Variants in PPP3CC observed in about 807,000 individuals in gnomAD.
The protein encoded by PPP3CC is protein phosphatase 3 catalytic subunit gamma.
In PPP3CC, 35 loss-of-function variants were observed where a neutral mutation model predicts 60.3. The observed-to-expected ratio is 0.58, with a 90% CI of 0.44 to 0.77. The LOEUF is 0.77. Among genes scored for constraint, PPP3CC ranks in the 30% least tolerant of loss-of-function variants. The pLI is 0.00. For missense variants in PPP3CC, 570 were observed against 628.9 expected (o/e 0.91, Z 1.00); for synonymous variants, 206 against 224.3 (o/e 0.92, Z 0.73).
At chr8:22,516,400 A>G (rs552247483) in intron 6 of PPP3CC, among the ~76,000 whole-genome samples, 4 of 152,348 alleles carry the variant, frequency 2.6e-5, no homozygotes, top group South Asian at 2.1e-4. Context: ...CAACTTGGCA[A>G]TATCTTTCAA....
chr8:22,515,301 T>C (rs1461251070), intron 6 of PPP3CC, among the ~76,000 whole-genome samples: 2 of 152,234 alleles, frequency 1.3e-5, no homozygotes, highest in Non-Finnish European at 2.9e-5. Flanking sequence ...AATGACAGGA[T>C]CTCATTCTTT....
At chr8:22,490,923 T>C (rs1838385138) in intron 3 of PPP3CC, among the ~76,000 whole-genome samples, 1 of 152,222 alleles carries the variant, frequency 6.6e-6, no homozygotes, top group South Asian at 2.1e-4. Context: ...TATGTGTGCA[T>C]GTGTCTTTAT....
At chr8:22,477,617 T>A (rs191523553) in intron 3 of PPP3CC, among the ~76,000 whole-genome samples, 1 of 152,160 alleles carries the variant, frequency 6.6e-6, no homozygotes, top group Non-Finnish European at 1.5e-5. Context: ...AATTTCTAAT[T>A]AGGCATTTTA....
At chr8:22,532,789 G>T in intron 11 of PPP3CC, 132 bp from the exon 12 acceptor site, 1 of 552,220 alleles carries the variant, frequency 1.8e-6, no homozygotes. Context: ...CTTTCTTTGA[G>T]TCAGGGAAGG....
At position 22,441,317 on chromosome 8, in the gene PPP3CC, C is replaced by T. The variant is rs767477531; in HGVS notation, c.-93C>T. ...GCCGGGCACGGCTGGCTGACGGCTC[C>T]GGGCAGCTAAGGCTGCCCGAGGAGA... On this transcript the variant is annotated 5_prime_UTR_variant, in exon 1 of 14. Coordinates refer to ENST00000240139, the MANE Select transcript of PPP3CC (RefSeq NM_005605.5). 3 of 1,299,244 alleles carry T rather than the reference C, an allele frequency of 2.3e-6. No individual in the cohort carries two copies. The highest frequency in any genetic ancestry group is 6.1e-5 in the Admixed American group (2 of 33,044). 80.5% of individuals were successfully genotyped at this position (1,299,244 alleles called of 1,614,324 possible). A position where few individuals can be genotyped will look rare whatever the true frequency, so the allele number is the denominator to read the frequency against.
At chr8:22,454,770 A>T (rs1318726994) in intron 1 of PPP3CC, among the ~76,000 whole-genome samples, 1 of 152,194 alleles carries the variant, frequency 6.6e-6, no homozygotes, top group Non-Finnish European at 1.5e-5. Context: ...TTAGTCTTAG[A>T]TATTGAAAGG....
At position 22,513,438 on chromosome 8, in the gene PPP3CC, C is replaced by A; in HGVS notation, c.770+6C>A. On this transcript the variant is annotated splice_donor_region_variant and intron_variant, in intron 6 of 13. Coordinates refer to ENST00000240139, the MANE Select transcript of PPP3CC (RefSeq NM_005605.5). ...GGGTGCTCTTATTTCTACAGGTAAG[C>A]TAGTCCTTGAGGTCGAAAATTATGA... 6.3e-7 allele frequency: 1 copy of A among 1,578,516 alleles called. No homozygotes were observed. The highest frequency in any genetic ancestry group is 8.6e-7 in the Non-Finnish European group (1 of 1,167,700).
Position 22,525,550 on chromosome 8 carries a change from CTCTCTCTCTT to C in PPP3CC, c.944-1838_944-1829del, listed in dbSNP as rs879716153. On this transcript the variant is annotated intron_variant, in intron 8 of 13. Coordinates refer to ENST00000240139, the MANE Select transcript of PPP3CC (RefSeq NM_005605.5). Reference sequence around the variant, plus strand: ...TCTTTCTTTCTTTCTCTCCCTCTCTCTCTCTCTCTTTCTTTCTCTCTCTCTCTCTTTCTCT... The same window carrying C: ...TCTTTCTTTCTTTCTCTCCCTCTCTCTCTTTCTCTCTCTCTCTCTTTCTCT... Among the ~76,000 whole-genome samples the C allele has an allele frequency of 7.8e-3, 1,108 of 141,866 alleles. 7 individuals are homozygous for C. Among genetic ancestry groups the C allele is most frequent in the Non-Finnish European group, 0.014 (938 of 65,328 alleles). 93.1% of individuals were successfully genotyped at this position (141,866 alleles called of 152,430 possible). A position where few individuals can be genotyped will look rare whatever the true frequency, so the allele number is the denominator to read the frequency against.
chr8:22,450,651 T>C (rs1836985005), intron 1 of PPP3CC, among the ~76,000 whole-genome samples: 1 of 152,232 alleles, frequency 6.6e-6, no homozygotes, highest in African/African-American at 2.4e-5. Context: ...TCAAGGGTCA[T>C]TCTTGTGCTC....
intron 1 of PPP3CC, among the ~76,000 whole-genome samples, chr8:22,450,862 G>A (rs2132430211): frequency 6.7e-6 from 1 of 149,314 alleles, no homozygotes; most frequent in East Asian, 2.0e-4. Context: ...TTGAGACGGA[G>A]TCTCGCTCTG....
At chr8:22,540,289 A>G (rs149930629) in intron 13 of PPP3CC, among the ~76,000 whole-genome samples, 52 of 152,310 alleles carry the variant, frequency 3.4e-4, no homozygotes, top group African/African-American at 1.2e-3. Flanking sequence ...TTTCTGGTGC[A>G]TAAGACACTC....
intron 1 of PPP3CC, among the ~76,000 whole-genome samples, chr8:22,443,599 C>T (rs1836740784): frequency 6.6e-6 from 1 of 151,358 alleles, no homozygotes; most frequent in South Asian, 2.1e-4. Context: ...TCATCATATC[C>T]TGCAGGATGC....
chr8:22,475,815 C>A, intron 3 of PPP3CC, 191 bp downstream of exon 3: 1 of 574,166 alleles, frequency 1.7e-6, no homozygotes, highest in Non-Finnish European at 2.8e-6. Context: ...AGTCGAAAAT[C>A]TGACAAATAG....
At chr8:22,451,192 G>A (rs1169727709) in intron 1 of PPP3CC, among the ~76,000 whole-genome samples, 1 of 150,330 alleles carries the variant, frequency 6.7e-6, no homozygotes, top group East Asian at 2.0e-4. Context: ...CTGGAGTGCA[G>A]TGGCGCCATC....
intron 12 of PPP3CC, among the ~76,000 whole-genome samples, chr8:22,534,743 A>G (rs563900533): frequency 6.6e-6 from 1 of 152,392 alleles, no homozygotes; most frequent in South Asian, 2.1e-4. Flanking sequence ...ATATAAATAA[A>G]TAAACTGTAT....
intron 6 of PPP3CC, among the ~76,000 whole-genome samples, chr8:22,518,670 G>T (rs1012316903): frequency 6.6e-6 from 1 of 152,108 alleles, no homozygotes; most frequent in Non-Finnish European, 1.5e-5. Context: ...AGAGAATGAT[G>T]TATTGAAGTT....
At chr8:22,538,004 A>G (rs1035349094) in intron 12 of PPP3CC, among the ~76,000 whole-genome samples, 1 of 152,230 alleles carries the variant, frequency 6.6e-6, no homozygotes, top group Non-Finnish European at 1.5e-5. Flanking sequence ...CAGCTCTACT[A>G]TATTAAAACC....
chr8:22,443,453 G>A (rs1448252491), intron 1 of PPP3CC, among the ~76,000 whole-genome samples: 2 of 150,888 alleles, frequency 1.3e-5, no homozygotes, highest in African/African-American at 2.4e-5. Context: ...CCCGGGAGGC[G>A]GAGGTTGCAG....
At chr8:22,530,486 A>G (rs1839676563) in intron 10 of PPP3CC, among the ~76,000 whole-genome samples, 1 of 150,656 alleles carries the variant, frequency 6.6e-6, no homozygotes. Flanking sequence ...TATATTTCCT[A>G]TTCTTTCCCA....
Sources: gnomAD v4.1 joint callset for allele counts (sites outside exome capture counted in the v4.1 genomes callset) on GRCh38, gnomAD v4.1.1 for gene constraint, MANE v1.5 for transcripts, NCBI Gene and HGNC (gene_info 2026-07-23, HGNC 2026-07-21) for gene names.